Variants in TIE1 observed in about 807,000 individuals in gnomAD.
The protein encoded by TIE1 is tyrosine kinase with immunoglobulin like and EGF like domains 1.
Under a neutral mutation model 130.5 loss-of-function variants are expected in TIE1, and 89 were observed. The observed-to-expected ratio is 0.68, with a 90% CI of 0.57 to 0.81. The LOEUF (loss-of-function observed/expected upper bound fraction) is 0.81, where lower values mean the gene tolerates loss of function less well. Among genes scored for constraint, TIE1 ranks in the 40% least tolerant of loss-of-function variants. The probability of loss-of-function intolerance (pLI) is 0.00; values close to 1 mark genes in which losing one functional copy is unlikely to be tolerated. For synonymous variants in TIE1, 568 were observed against 629.4 expected (o/e 0.90, Z 1.46); for missense variants, 1,392 against 1,559.8 (o/e 0.89, Z 1.81).
chr1:43,311,779 GC>G lies in TIE1; in HGVS notation c.1444del (p.Leu482CysfsTer23). On this transcript the variant is annotated frameshift_variant, in exon 10 of 23. Transcript: ENST00000372476. LOFTEE classifies it high-confidence loss of function. ...FSGDGPISTV[R>X]LHYRPQDSTM... ...GGGGATGGACCCATCTCCACTGTCCGCCTGCACTACCGGCCCCAGGACAGTA... is the reference window on the plus strand; with the variant it reads ...GGGGATGGACCCATCTCCACTGTCCGCTGCACTACCGGCCCCAGGACAGTA... 1 of 1,614,106 alleles carries G rather than the reference GC, an allele frequency of 6.2e-7. No homozygotes were observed. The highest frequency in any genetic ancestry group is 8.5e-7 in the Non-Finnish European group (1 of 1,179,984).
chr1:43,312,567 C>T lies in TIE1; in HGVS notation c.1893C>T (p.Ala631=), dbSNP rs1244685842. The T allele has an allele frequency of 6.2e-7, 1 of 1,611,656 alleles. No homozygotes were observed. Among genetic ancestry groups the T allele is most frequent in the Non-Finnish European group, 8.5e-7 (1 of 1,179,090 alleles). Residue 631 remains alanine (A), a synonymous_variant, in exon 12 of 23, where the codon GCC becomes GCT. Transcript: ENST00000372476. This position sits in a 1 kb window ranked among gnomAD's most constrained non-coding sequence, Gnocchi z 5.6. The part of the protein sequence containing the change: ...QLYHCTLLGP[A]SPPAHVLLPP... The stretch of plus-strand genomic sequence containing the variant: ...ACCACTGCACCCTCCTGGGCCCGGC[C>T]TCGCCCCCTGCACACGTGCTTCTGC...
chr1:43,309,867 C>T lies in TIE1; in HGVS notation c.1333+335C>T, dbSNP rs1448161769. Among the ~76,000 whole-genome samples the T allele has an allele frequency of 4.6e-5, 7 of 152,158 alleles. 1 individual carries two copies. Among genetic ancestry groups the T allele is most frequent in the African/African-American group, 1.7e-4 (7 of 41,446 alleles). On this transcript the variant is annotated intron_variant, in intron 9 of 22. Transcript: ENST00000372476. The surrounding 1 kb of genome is among the most constrained non-coding windows in gnomAD (Gnocchi z 6.3). Reference sequence around the variant, plus strand: ...TAACTCTGCTCTGGGATGCTGCCTCCCATCTCTGAGTCACCCCACAGACAC... The same window carrying T: ...TAACTCTGCTCTGGGATGCTGCCTCTCATCTCTGAGTCACCCCACAGACAC...
intron 9 of TIE1, 26 bp from the exon 10 acceptor site, chr1:43,311,645 A>G: frequency 6.2e-7 from 1 of 1,603,928 alleles, no homozygotes; most frequent in African/African-American, 1.3e-5. Context: ...CTGTGTGCCC[A>G]TGCCTTACCC....
In TIE1 at chr1:43,315,827, G is replaced by A. The variant is rs1044281284; in HGVS notation, c.2410-1372G>A. On this transcript the variant is annotated intron_variant, in intron 14 of 22. Transcript: ENST00000372476. The surrounding 1 kb of genome is among the most constrained non-coding windows in gnomAD (Gnocchi z 4.4). The stretch of plus-strand genomic sequence containing the variant: ...GAAAGCAGTCCTTAACATACATGGT[G>A]TCATACTCTATATCAAGATATATCC... Among the ~76,000 whole-genome samples, 1 of 152,092 alleles carries A rather than the reference G, an allele frequency of 6.6e-6. No individual in the cohort carries two copies. Among genetic ancestry groups the A allele is most frequent in the Non-Finnish European group, 1.5e-5 (1 of 68,036 alleles).
intron 1 of TIE1, chr1:43,302,524 A>G (rs1646680057): frequency 6.6e-6 from 1 of 152,292 alleles, no homozygotes; most frequent in East Asian, 1.9e-4. Flanking sequence ...GTAGGAGACA[A>G]AAAGGGAATC....
Position 43,322,541 on chromosome 1 carries a change from C to G in TIE1, c.3346-110C>G, listed in dbSNP as rs1646929921. ...TTGGCCATGGGGCCATCTTAGGTCT[C>G]CAGAACAAATCAGTGTCAGTTCAAA... On this transcript the variant is annotated intron_variant, in intron 22 of 22. Coordinates refer to ENST00000372476, the MANE Select transcript of TIE1 (RefSeq NM_005424.5). The surrounding 1 kb of genome is among the most constrained non-coding windows in gnomAD (Gnocchi z 4.0). 4 of 825,616 alleles carry G rather than the reference C, an allele frequency of 4.8e-6. No individual in the cohort carries two copies. Among genetic ancestry groups the G allele is most frequent in the African/African-American group, 1.7e-5 (1 of 59,836 alleles). The allele number at this position is 825,616 out of a possible 1,614,324, so 51.1% of individuals were successfully genotyped here. A position where few individuals can be genotyped will look rare whatever the true frequency, so the allele number is the denominator to read the frequency against.
chr1:43,322,796 C>A lies in TIE1; in HGVS notation c.*74C>A. 7.0e-7 allele frequency: 1 copy of A among 1,427,174 alleles called. No homozygotes were observed. Among genetic ancestry groups the A allele is most frequent in the Non-Finnish European group, 9.8e-7 (1 of 1,025,430 alleles). 88.4% of individuals were successfully genotyped at this position (1,427,174 alleles called of 1,614,324 possible). On this transcript the variant is annotated 3_prime_UTR_variant, in exon 23 of 23. Transcript: ENST00000372476. This position sits in a 1 kb window ranked among gnomAD's most constrained non-coding sequence, Gnocchi z 4.0. The stretch of plus-strand genomic sequence containing the variant: ...TGTCTAACCTGTGACCAGTCTGACC[C>A]TTACAGCCTCTGACTTAAGCTGCCT...
At chr1:43,304,287 A>G (rs1378877372) in intron 1 of TIE1, among the ~76,000 whole-genome samples, 1 of 151,838 alleles carries the variant, frequency 6.6e-6, no homozygotes, top group Non-Finnish European at 1.5e-5. Flanking sequence ...AGCCTCTCCC[A>G]CCTCAAATCC....
chr1:43,313,574 C>G lies in TIE1; in HGVS notation c.2218+149C>G. ...GCCCCAGTCCTGGGGACTCAGCCTT[C>G]CATTCTCATGATCCACTGTCCCAGG... On this transcript the variant is annotated intron_variant, in intron 13 of 22. Coordinates refer to ENST00000372476, the MANE Select transcript of TIE1 (RefSeq NM_005424.5). This position sits in a 1 kb window ranked among gnomAD's most constrained non-coding sequence, Gnocchi z 6.2. The G allele has an allele frequency of 8.8e-7, 1 of 1,138,382 alleles. No homozygotes were observed. The highest frequency in any genetic ancestry group is 1.6e-5 in the South Asian group (1 of 63,806). 70.5% of individuals were successfully genotyped at this position (1,138,382 alleles called of 1,614,324 possible).
At position 43,311,780 on chromosome 1, in the gene TIE1, C is replaced by T. The variant is rs1185053823; in HGVS notation, c.1443C>T (p.Arg481=). The change falls in exon 10 of 23, where the codon CGC becomes CGT. Residue 481 remains arginine, a synonymous_variant. Coordinates refer to ENST00000372476, the MANE Select transcript of TIE1 (RefSeq NM_005424.5). The part of the protein sequence containing the change: ...FSGDGPISTV[R]LHYRPQDSTM... ...GGGATGGACCCATCTCCACTGTCCG[C>T]CTGCACTACCGGCCCCAGGACAGTA... The T allele has an allele frequency of 6.2e-7, 1 of 1,614,018 alleles. No homozygotes were observed. The highest frequency in any genetic ancestry group is 8.5e-7 in the Non-Finnish European group (1 of 1,180,002).
At chr1:43,308,026 T>G in intron 7 of TIE1, 102 bp downstream of exon 7, 3 of 1,510,094 alleles carry the variant, frequency 2.0e-6, no homozygotes, top group Non-Finnish European at 2.7e-6. Flanking sequence ...CCTACGAGGG[T>G]CCAAGTCCTG....
chr1:43,321,824 C>T, intron 22 of TIE1, 109 bp downstream of exon 22: 1 of 1,040,076 alleles, frequency 9.6e-7, no homozygotes, highest in Non-Finnish European at 1.4e-6. Flanking sequence ...CCCAACCTCC[C>T]TCAGTGGGGG....
Position 43,317,230 on chromosome 1 carries a change from G to A in TIE1, c.2441G>A (p.Gly814Glu). 1 of 1,614,078 alleles carries A rather than the reference G, an allele frequency of 6.2e-7. No individual in the cohort carries two copies. The highest frequency in any genetic ancestry group is 1.1e-5 in the South Asian group (1 of 91,076). Residue 814 changes from glycine (G) to glutamate (E), a missense_variant, in exon 15 of 23, where the codon GGG becomes GAG. This residue lies in a region of TIE1 where 286 missense variants were observed against 354.4 expected (regional missense o/e 0.81). Transcript: ENST00000372476. The surrounding 1 kb of genome is among the most constrained non-coding windows in gnomAD (Gnocchi z 5.1). ...GEETILQFSSGTLTLTRRPKL... is the reference protein window; with the variant it reads ...GEETILQFSSETLTLTRRPKL... ...GAGACCATCCTGCAGTTCAGCTCAG[G>A]GACCTTGACACTTACCCGGCGGCCA...
Position 43,321,602 on chromosome 1 carries a change from A to G in TIE1, c.3246-14A>G, listed in dbSNP as rs1438741380. ...GCTGGCCTGACTCCTCATCTCAGCAATGCCCCCTCGCAGGTACGAGCTGAT... is the reference window on the plus strand; with the variant it reads ...GCTGGCCTGACTCCTCATCTCAGCAGTGCCCCCTCGCAGGTACGAGCTGAT... On this transcript the variant is annotated splice_polypyrimidine_tract_variant and intron_variant, in intron 21 of 22. Transcript: ENST00000372476. 2.6e-6 allele frequency: 4 copies of G among 1,554,302 alleles called. No homozygotes were observed. The highest frequency in any genetic ancestry group is 1.4e-5 in the African/African-American group (1 of 73,180).
In TIE1 at chr1:43,301,098, G is replaced by T; in HGVS notation, c.27G>T (p.Leu9Phe). MVWRVPPF[L>F]LPILFLASHV... Reference sequence around the variant, plus strand: ...TGGTCTGGCGGGTGCCCCCTTTCTTGCTCCCCATCCTCTTCTTGGCTTCTC... The same window carrying T: ...TGGTCTGGCGGGTGCCCCCTTTCTTTCTCCCCATCCTCTTCTTGGCTTCTC... The change falls in exon 1 of 23, where the codon TTG becomes TTT. Residue 9 changes from leucine to phenylalanine, a missense_variant. Around this residue, in one of 6 missense-constraint regions of TIE1, gnomAD observed 415 missense variants for 424.8 expected, o/e 0.98. Coordinates refer to ENST00000372476, the MANE Select transcript of TIE1 (RefSeq NM_005424.5). 6.2e-7 allele frequency: 1 copy of T among 1,613,804 alleles called. No individual in the cohort carries two copies. Among genetic ancestry groups the T allele is most frequent in the South Asian group, 1.1e-5 (1 of 90,992 alleles).
Position 43,315,844 on chromosome 1 carries a change from G to A in TIE1, c.2410-1355G>A, listed in dbSNP as rs1396751253. 6.6e-6 allele frequency among the ~76,000 whole-genome samples: 1 copy of A among 151,970 alleles called. No individual in the cohort carries two copies. The highest frequency in any genetic ancestry group is 6.6e-5 in the Admixed American group (1 of 15,240). On this transcript the variant is annotated intron_variant, in intron 14 of 22. Transcript: ENST00000372476. The surrounding 1 kb of genome is among the most constrained non-coding windows in gnomAD (Gnocchi z 4.4). ...TACATGGTGTCATACTCTATATCAA[G>A]ATATATCCCCCTAGCCTGGGCAACA...
Position 43,313,557 on chromosome 1 carries a change from C to A in TIE1, c.2218+132C>A. 2 of 1,228,866 alleles carry A rather than the reference C, an allele frequency of 1.6e-6. No individual in the cohort carries two copies. Among genetic ancestry groups the A allele is most frequent in the Non-Finnish European group, 2.2e-6 (2 of 891,266 alleles). 76.1% of individuals were successfully genotyped at this position (1,228,866 alleles called of 1,614,324 possible). A position where few individuals can be genotyped will look rare whatever the true frequency, so the allele number is the denominator to read the frequency against. On this transcript the variant is annotated intron_variant, in intron 13 of 22. Transcript: ENST00000372476. The surrounding 1 kb of genome is among the most constrained non-coding windows in gnomAD (Gnocchi z 6.2). ...CTCCTGACAAAGAGTCAGCCCCAGT[C>A]CTGGGGACTCAGCCTTCCATTCTCA...
intron 9 of TIE1, among the ~76,000 whole-genome samples, chr1:43,311,165 C>T (rs769308089): frequency 3.5e-4 from 53 of 152,116 alleles, no homozygotes; most frequent in Admixed American, 9.8e-4. Context: ...GCAAGTTATT[C>T]GGTGTCTCTG....
At chr1:43,314,198 T>G (rs2991990) in intron 14 of TIE1, 467,558 of 703,858 alleles carry the variant, frequency 0.66, 158,621 homozygotes, top group South Asian at 0.83. Context: ...AAATATTTAA[T>G]ATTCCCATTT....
Sources: gnomAD v4.1 joint callset for allele counts (sites outside exome capture counted in the v4.1 genomes callset) on GRCh38, gnomAD v4.1.1 for gene constraint, gnomAD v4.1.1 regional missense constraint, Gnocchi (gnomAD v3.1) non-coding constraint, MANE v1.5 for transcripts, NCBI Gene and HGNC (gene_info 2026-07-23, HGNC 2026-07-21) for gene names.